Variants in NEK10 observed in about 807,000 individuals in gnomAD.
NEK10 encodes the protein serine/threonine-protein kinase Nek10.
NEK10 carries 122 observed loss-of-function variants against 159.8 expected under a neutral mutation model. The ratio of observed to expected loss-of-function variants is 0.76; its 90% CI spans 0.66 to 0.89. The LOEUF is 0.89. Among genes scored for constraint, NEK10 ranks in the 40% least tolerant of loss-of-function variants. The pLI is 0.00. For missense variants in NEK10, 1,342 were observed against 1,323.1 expected, an observed-to-expected ratio of 1.01 and a Z score of -0.22; for synonymous variants, 466 against 457.1, an observed-to-expected ratio of 1.02 and a Z score of -0.25.
intron 31 of NEK10, among the ~76,000 whole-genome samples, chr3:27,133,992 T>C (rs1234714501): frequency 6.6e-6 from 1 of 151,822 alleles, no homozygotes; most frequent in Admixed American, 6.6e-5. Flanking sequence ...TCCCAGCAAA[T>C]AGTCATAATT....
At chr3:27,331,262 A>AAAAAAAAACACAC in intron 5 of NEK10, among the ~76,000 whole-genome samples, 3 of 110,080 alleles carry the variant, frequency 2.7e-5, no homozygotes, top group Non-Finnish European at 3.9e-5. Flanking sequence ...AAAAAAAAAA[A>AAAAAAAAACACAC]ACACACAAAC....
At chr3:27,212,245 G>A (rs921872539) in intron 23 of NEK10, among the ~76,000 whole-genome samples, 8 of 152,116 alleles carry the variant, frequency 5.3e-5, no homozygotes, top group African/African-American at 9.7e-5. Context: ...AGATTTTTAA[G>A]CAAAATAAGG....
chr3:27,286,923 G>C (rs2042658632), intron 20 of NEK10, among the ~76,000 whole-genome samples: 1 of 151,982 alleles, frequency 6.6e-6, no homozygotes, highest in Non-Finnish European at 1.5e-5. Context: ...GGGGAAGGGA[G>C]ATGGGTAAAA....
chr3:27,347,964 A>G (rs1335550787), intron 3 of NEK10, among the ~76,000 whole-genome samples: 1 of 152,182 alleles, frequency 6.6e-6, no homozygotes, highest in Admixed American at 6.6e-5. Flanking sequence ...ACTATTTATA[A>G]AACACTTGTT....
At chr3:27,168,442 A>G (rs1034403087) in intron 29 of NEK10, among the ~76,000 whole-genome samples, 1 of 152,168 alleles carries the variant, frequency 6.6e-6, no homozygotes, top group Non-Finnish European at 1.5e-5. Context: ...AACAAATTAG[A>G]CTGCAAATAA....
At chr3:27,353,252 C>T (rs56659509) in intron 1 of NEK10, among the ~76,000 whole-genome samples, 4,463 of 152,138 alleles carry the variant, frequency 0.029, 228 homozygotes, top group African/African-American at 0.1. Context: ...GTTGAAGATG[C>T]CCATATTTTC....
intron 23 of NEK10, among the ~76,000 whole-genome samples, chr3:27,229,352 C>A (rs1382244693): frequency 6.6e-6 from 1 of 152,076 alleles, no homozygotes; most frequent in East Asian, 1.9e-4. Context: ...AATAGGAACT[C>A]ATTGAAAAAC....
At chr3:27,162,331 A>G in intron 30 of NEK10, 1 of 1,449,536 alleles carries the variant, frequency 6.9e-7, no homozygotes, top group Non-Finnish European at 9.2e-7. Context: ...ATGGTGAACA[A>G]ACAAGGCAGA....
intron 23 of NEK10, among the ~76,000 whole-genome samples, chr3:27,254,046 A>T (rs1955927443): frequency 6.6e-6 from 1 of 152,084 alleles, no homozygotes; most frequent in Admixed American, 6.5e-5. Flanking sequence ...TTGGAAAAAA[A>T]ATACTCCAAC....
At chr3:27,330,035 A>C (rs1492339) in intron 5 of NEK10, among the ~76,000 whole-genome samples, 98,711 of 151,846 alleles carry the variant, frequency 0.65, 34,509 homozygotes, top group East Asian at 0.88. Context: ...CATAAATGCT[A>C]TGTAAGTACT....
intron 35 of NEK10, among the ~76,000 whole-genome samples, chr3:27,113,869 T>C (rs952373906): frequency 1.3e-5 from 2 of 152,206 alleles, no homozygotes; most frequent in African/African-American, 4.8e-5. Context: ...GATATTTAAA[T>C]GATTTTCTGC....
At chr3:27,278,907 G>A in intron 22 of NEK10, 1 of 984,692 alleles carries the variant, frequency 1.0e-6, no homozygotes, top group Non-Finnish European at 1.2e-6. Context: ...CTCACCCCAT[G>A]TACCACTGAA....
At chr3:27,295,265 C>T (rs2043277461) in intron 15 of NEK10, among the ~76,000 whole-genome samples, 1 of 152,174 alleles carries the variant, frequency 6.6e-6, no homozygotes, top group Admixed American at 6.5e-5. Context: ...CTTGGCAAGT[C>T]CCTTCTCATC....
At chr3:27,342,127 C>T (rs1328195562) in intron 5 of NEK10, among the ~76,000 whole-genome samples, 1 of 152,120 alleles carries the variant, frequency 6.6e-6, no homozygotes, top group Non-Finnish European at 1.5e-5. Flanking sequence ...ATTTCACCCT[C>T]CTGTCCTTCT....
At chr3:27,273,177 T>C (rs768853155) in intron 22 of NEK10, among the ~76,000 whole-genome samples, 2 of 152,172 alleles carry the variant, frequency 1.3e-5, no homozygotes, top group African/African-American at 2.4e-5. Flanking sequence ...ATGGGGGTTA[T>C]TGACAGGCTA....
At chr3:27,165,973 A>C (rs895467664) in intron 29 of NEK10, among the ~76,000 whole-genome samples, 1 of 152,234 alleles carries the variant, frequency 6.6e-6, no homozygotes, top group African/African-American at 2.4e-5. Context: ...ATACATTATA[A>C]GTGTATTCCA....
In NEK10 at chr3:27,322,254, C is replaced by T; in HGVS notation, c.370G>A (p.Val124Ile). The stretch of plus-strand genomic sequence containing the variant: ...AAATGAATAGATGGGGCTCGATTAA[C>T]CCACTCTCTGAAAGAAGAAAACAAG... Reference protein sequence around the residue: ...VKNRLISREWVNRAPSIHFLR... With the variant: ...VKNRLISREWINRAPSIHFLR... The change falls in exon 6 of 36, where the codon GTT becomes ATT. Residue 124 changes from valine to isoleucine, a missense_variant. Val to Ile is a conservative substitution (Grantham distance 29, BLOSUM62 3). Transcript: ENST00000691995. 6.5e-7 allele frequency: 1 copy of T among 1,538,228 alleles called. No individual in the cohort carries two copies. Among genetic ancestry groups the T allele is most frequent in the Non-Finnish European group, 8.8e-7 (1 of 1,131,744 alleles).
intron 22 of NEK10, among the ~76,000 whole-genome samples, chr3:27,281,485 AC>A (rs1236525690): frequency 1.3e-5 from 2 of 152,034 alleles, no homozygotes; most frequent in African/African-American, 4.8e-5. Context: ...TGACAGCAAA[AC>A]TAGATACCAG....
At chr3:27,308,056 A>G in intron 10 of NEK10, 111 bp from the exon 11 acceptor site, 1 of 610,086 alleles carries the variant, frequency 1.6e-6, no homozygotes, top group Non-Finnish European at 2.9e-6. Context: ...TGATTTATAA[A>G]GGAAAGAGGT....
Sources: gnomAD v4.1 joint callset for allele counts (sites outside exome capture counted in the v4.1 genomes callset) on GRCh38, gnomAD v4.1.1 for gene constraint, MANE v1.5 for transcripts, NCBI Gene and HGNC (gene_info 2026-07-23, HGNC 2026-07-21) for gene names.